The following GPR176 variants were observed in gnomAD, a reference collection of about 807,000 sequenced individuals.
GPR176 encodes the protein G-protein coupled receptor 176.
A neutral mutation model predicts 35.4 loss-of-function variants in GPR176; 26 were observed. That is an observed-to-expected ratio of 0.74 (90% confidence interval 0.54 to 1.02). The LOEUF (loss-of-function observed/expected upper bound fraction) is 1.02, where lower values mean the gene tolerates loss of function less well. Ranked by LOEUF, GPR176 falls within the 50% of genes least tolerant of loss-of-function variation. The pLI, the probability that GPR176 is intolerant of heterozygous loss-of-function variation, is 0.00. For missense variants in GPR176, 597 were observed against 665.3 expected (o/e 0.90, Z 1.13); for synonymous variants, 278 against 271.3 (o/e 1.02, Z -0.24).
Position 39,801,050 on chromosome 15 carries a change from T to C in GPR176, c.*82A>G, listed in dbSNP as rs1027738395. ...CTCACACTGAGTTGCAAGGAGATCA[T>C]ACAATCACATGGCCACAGCATTCCC... On this transcript the variant is annotated 3_prime_UTR_variant, in exon 3 of 3. Coordinates refer to ENST00000561100, the MANE Select transcript of GPR176 (RefSeq NM_007223.3). 88 of 1,215,378 alleles carry C rather than the reference T, an allele frequency of 7.2e-5. No homozygotes were observed. The highest frequency in any genetic ancestry group is 9.7e-5 in the Non-Finnish European group (83 of 858,782). 75.3% of individuals were successfully genotyped at this position (1,215,378 alleles called of 1,614,324 possible). A position where few individuals can be genotyped will look rare whatever the true frequency, so the allele number is the denominator to read the frequency against.
chr15:39,816,797 G>A (rs1402444641), intron 1 of GPR176, among the ~76,000 whole-genome samples: 1 of 152,144 alleles, frequency 6.6e-6, no homozygotes, highest in Non-Finnish European at 1.5e-5. Context: ...GCTCACACCT[G>A]TAATCCCAGC....
intron 1 of GPR176, among the ~76,000 whole-genome samples, chr15:39,883,682 C>T (rs1393697614): frequency 3.3e-5 from 5 of 152,256 alleles, no homozygotes; most frequent in African/African-American, 9.6e-5. Context: ...CACATAAATA[C>T]TCTCTACAAT....
At chr15:39,872,554 A>G (rs2032082938) in intron 1 of GPR176, among the ~76,000 whole-genome samples, 1 of 152,150 alleles carries the variant, frequency 6.6e-6, no homozygotes, top group Non-Finnish European at 1.5e-5. Context: ...TGTGTATTAG[A>G]GCATTCTTGC....
chr15:39,875,531 C>G (rs978739415), intron 1 of GPR176, among the ~76,000 whole-genome samples: 12 of 152,106 alleles, frequency 7.9e-5, no homozygotes, highest in Non-Finnish European at 1.5e-4. Flanking sequence ...AAATATTGAG[C>G]TTTTCAATGC....
intron 1 of GPR176, among the ~76,000 whole-genome samples, chr15:39,812,636 A>C (rs1899643839): frequency 6.6e-6 from 1 of 152,122 alleles, no homozygotes; most frequent in Non-Finnish European, 1.5e-5. Context: ...GTGTGAGTCA[A>C]TTCTTCTAAT....
intron 1 of GPR176, among the ~76,000 whole-genome samples, chr15:39,876,057 G>T (rs554679363): frequency 6.6e-6 from 1 of 151,644 alleles, no homozygotes; most frequent in East Asian, 1.9e-4. Context: ...AGGCTGAGGT[G>T]GGAGGATCAC....
chr15:39,814,112 T>C (rs931661373), intron 1 of GPR176, among the ~76,000 whole-genome samples: 3 of 152,224 alleles, frequency 2.0e-5, no homozygotes, highest in African/African-American at 7.2e-5. Flanking sequence ...TGTTTGCAAC[T>C]GTGCATGTTA....
chr15:39,820,571 C>A (rs1900206805), intron 1 of GPR176, among the ~76,000 whole-genome samples: 1 of 152,086 alleles, frequency 6.6e-6, no homozygotes, highest in Non-Finnish European at 1.5e-5. Flanking sequence ...TGATTCTAGA[C>A]CCAGAATAAT....
chr15:39,895,932 G>C lies in GPR176; in HGVS notation c.172+23923C>G, dbSNP rs188338406. Reference sequence around the variant, plus strand: ...AAAACTTTCCAGTATTAAAAGCTTCGATAGGAAATATTTAAAATATTCAAG... The same window carrying C: ...AAAACTTTCCAGTATTAAAAGCTTCCATAGGAAATATTTAAAATATTCAAG... On this transcript the variant is annotated intron_variant, in intron 1 of 2. Transcript: ENST00000561100. 5.3e-5 allele frequency among the ~76,000 whole-genome samples: 8 copies of C among 152,114 alleles called. No individual in the cohort carries two copies. The East Asian group carries it at 1.5e-3, about 29-fold the overall frequency.
At position 39,802,229 on chromosome 15, in the gene GPR176, C is replaced by G. The variant is rs1898930415; in HGVS notation, c.451G>C (p.Glu151Gln). The G allele has an allele frequency of 6.2e-7, 1 of 1,611,536 alleles. No homozygotes were observed. The highest frequency in any genetic ancestry group is 1.7e-5 in the Admixed American group (1 of 59,956). ...GACTTGGCATCAGATATTTTCCTCT[C>G]CAGTGGATAGAGGACTGAGTAGTAC... Reference protein sequence around the residue: ...DRYYSVLYPLERKISDAKSRE... With the variant: ...DRYYSVLYPLQRKISDAKSRE... Residue 151 changes from glutamate to glutamine, a missense_variant, in exon 3 of 3, where the codon GAG becomes CAG. By Grantham distance (29) the Glu-to-Gln change is conservative (BLOSUM62 2). Transcript: ENST00000561100.
At chr15:39,882,233 T>C (rs2032502736) in intron 1 of GPR176, among the ~76,000 whole-genome samples, 1 of 152,182 alleles carries the variant, frequency 6.6e-6, no homozygotes, top group African/African-American at 2.4e-5. Flanking sequence ...ACAAATCACA[T>C]GCTCAGAGGA....
chr15:39,839,656 C>CGA (rs1193322735), intron 1 of GPR176, among the ~76,000 whole-genome samples: 7 of 152,116 alleles, frequency 4.6e-5, no homozygotes, highest in Non-Finnish European at 4.4e-5. Context: ...AGAGCTTCTG[C>CGA]ACAGCAAAAG....
intron 1 of GPR176, among the ~76,000 whole-genome samples, chr15:39,821,792 C>T (rs985219828): frequency 6.6e-6 from 1 of 152,176 alleles, no homozygotes; most frequent in Non-Finnish European, 1.5e-5. Flanking sequence ...GCTATTTTTG[C>T]TAACTGTTAA....
intron 1 of GPR176, among the ~76,000 whole-genome samples, chr15:39,825,898 C>G (rs1007283730): frequency 6.6e-6 from 1 of 152,266 alleles, no homozygotes; most frequent in Middle Eastern, 3.4e-3. Context: ...TTTCCAAATG[C>G]ATTACTATAA....
At chr15:39,828,177 C>A (rs1900812195) in intron 1 of GPR176, among the ~76,000 whole-genome samples, 1 of 152,106 alleles carries the variant, frequency 6.6e-6, no homozygotes, top group Non-Finnish European at 1.5e-5. Flanking sequence ...GTTTTTCAGC[C>A]CTTAATACCC....
intron 1 of GPR176, among the ~76,000 whole-genome samples, chr15:39,822,591 A>G (rs774451175): frequency 1.3e-4 from 20 of 152,226 alleles, no homozygotes; most frequent in African/African-American, 2.7e-4. Context: ...TCAGTGTCAG[A>G]TTTTACTTAC....
At chr15:39,853,278 T>C (rs1336724575) in intron 1 of GPR176, among the ~76,000 whole-genome samples, 1 of 152,204 alleles carries the variant, frequency 6.6e-6, no homozygotes, top group African/African-American at 2.4e-5. Flanking sequence ...TAGATGAACC[T>C]TGAGGACATT....
chr15:39,823,848 C>T (rs1446233799), intron 1 of GPR176, among the ~76,000 whole-genome samples: 14 of 152,328 alleles, frequency 9.2e-5, no homozygotes, highest in East Asian at 5.8e-4. Context: ...TGCTATCCTA[C>T]GGACAAGGGA....
intron 1 of GPR176, among the ~76,000 whole-genome samples, chr15:39,863,881 C>A (rs2031716120): frequency 6.6e-6 from 1 of 152,124 alleles, no homozygotes; most frequent in Admixed American, 6.5e-5. Flanking sequence ...CGCCTAATGA[C>A]ACATTTATCA....
Sources: gnomAD v4.1 joint callset for allele counts (sites outside exome capture counted in the v4.1 genomes callset) on GRCh38, gnomAD v4.1.1 for gene constraint, MANE v1.5 for transcripts, NCBI Gene and HGNC (gene_info 2026-07-23, HGNC 2026-07-21) for gene names.